The following HHIPL1 variants were observed in gnomAD, a reference collection of about 807,000 sequenced individuals.
HHIPL1 encodes HHIP like 1, also known as HHIP-like protein 1.
Under a neutral mutation model 61.8 loss-of-function variants are expected in HHIPL1, and 43 were observed. The observed-to-expected ratio is 0.70, with a 90% CI of 0.55 to 0.90. The LOEUF is 0.90. Ranked by LOEUF, HHIPL1 falls within the 40% of genes least tolerant of loss-of-function variation. The pLI, the probability that HHIPL1 is intolerant of heterozygous loss-of-function variation, is 0.00. For missense variants in HHIPL1, 1,056 were observed against 1,157.7 expected, an observed-to-expected ratio of 0.91 and a Z score of 1.28; for synonymous variants, 482 against 515.8, an observed-to-expected ratio of 0.93 and a Z score of 0.89.
In HHIPL1 at chr14:99,645,427, G is replaced by A. The variant is rs1168600778; in HGVS notation, c.220G>A (p.Ala74Thr). 1.5e-6 allele frequency: 2 copies of A among 1,365,628 alleles called. No homozygotes were observed. The highest frequency in any genetic ancestry group is 3.0e-5 in the African/African-American group (2 of 65,762). The allele number at this position is 1,365,628 out of a possible 1,614,324, so 84.6% of individuals were successfully genotyped here. The change falls in exon 1 of 9, where the codon GCG (alanine) becomes ACG (threonine). Residue 74 changes from alanine to threonine, a missense_variant. Coordinates refer to ENST00000330710, the MANE Select transcript of HHIPL1 (RefSeq NM_001127258.3). ...ASRVDAAEWAACAGYARDLLC... is the reference protein window; with the variant it reads ...ASRVDAAEWATCAGYARDLLC... ...CCGCGTGGACGCCGCCGAGTGGGCCGCGTGCGCCGGCTACGCGAGGGACCT... is the reference window on the plus strand; with the variant it reads ...CCGCGTGGACGCCGCCGAGTGGGCCACGTGCGCCGGCTACGCGAGGGACCT...
chr14:99,670,881 C>T (rs984847163), intron 7 of HHIPL1, among the ~76,000 whole-genome samples: 16 of 152,168 alleles, frequency 1.1e-4, no homozygotes, highest in African/African-American at 3.9e-4. Flanking sequence ...AAAGAATGCT[C>T]CTCTGAGGAA....
chr14:99,637,000 GAAGAAAGAAAGAAAGAAAGA>G, the HHIPL1 span, among the ~76,000 whole-genome samples: 4,813 of 76,958 alleles, frequency 0.063, 182 homozygotes, highest in East Asian at 0.095. Context: ...AAGAAAGAAA[GAAGAAAGAAAGAAAGAAAGA>G]AAGAAAGAAA....
At chr14:99,667,925 C>T (rs540173895) in intron 6 of HHIPL1, among the ~76,000 whole-genome samples, 4 of 152,202 alleles carry the variant, frequency 2.6e-5, no homozygotes, top group South Asian at 2.1e-4. Context: ...ACAGGGGTGG[C>T]GCTGGGTCAC....
upstream of HHIPL1, among the ~76,000 whole-genome samples, chr14:99,640,622 G>A (rs2055738113): frequency 6.6e-6 from 1 of 152,074 alleles, no homozygotes; most frequent in Non-Finnish European, 1.5e-5. Context: ...AACCATTTTA[G>A]ATTTGCAGAA....
At chr14:99,636,726 G>A in the HHIPL1 span, among the ~76,000 whole-genome samples, 1 of 152,054 alleles carries the variant, frequency 6.6e-6, no homozygotes, top group Non-Finnish European at 1.5e-5. Flanking sequence ...GGTGGTGCAT[G>A]CATGTAATGT....
At chr14:99,636,379 G>A in the HHIPL1 span, among the ~76,000 whole-genome samples, 4 of 152,212 alleles carry the variant, frequency 2.6e-5, no homozygotes, top group Admixed American at 2.0e-4. Context: ...CATGAGGCCC[G>A]CATGACGTGG....
the HHIPL1 span, among the ~76,000 whole-genome samples, chr14:99,617,125 G>C: frequency 1.3e-5 from 2 of 152,174 alleles, no homozygotes; most frequent in African/African-American, 4.8e-5. Flanking sequence ...ACTAGGTTTA[G>C]AGTAGATCAG....
intron 6 of HHIPL1, among the ~76,000 whole-genome samples, chr14:99,666,198 C>T (rs961926316): frequency 2.0e-5 from 3 of 152,146 alleles, no homozygotes; most frequent in African/African-American, 7.2e-5. Flanking sequence ...TACGATCTGC[C>T]ATGGGAAAGA....
At chr14:99,656,832 AAAGAAAGGAAGGAAGGAAGG>A (rs2056043722) in intron 2 of HHIPL1, among the ~76,000 whole-genome samples, 148 bp from the exon 3 acceptor site, 1 of 8,586 alleles carries the variant, frequency 1.2e-4, no homozygotes, top group African/African-American at 1.6e-4. Flanking sequence ...AGAAAGAAAG[AAAGAAAGGAAGGAAGGAAGG>A]AAGGAAGGAA....
At chr14:99,626,386 G>T in the HHIPL1 span, among the ~76,000 whole-genome samples, 136 of 152,282 alleles carry the variant, frequency 8.9e-4, 3 homozygotes, top group East Asian at 0.023. Flanking sequence ...GCTGGATCTT[G>T]TTCTGCTCTG....
the HHIPL1 span, among the ~76,000 whole-genome samples, chr14:99,618,416 C>T: frequency 2.6e-5 from 4 of 152,240 alleles, no homozygotes; most frequent in African/African-American, 7.2e-5. Flanking sequence ...AGGAGGGACT[C>T]GCCCAAGGAG....
At chr14:99,657,802 CACAT>C (rs1190270103) in intron 3 of HHIPL1, among the ~76,000 whole-genome samples, 4 of 151,962 alleles carry the variant, frequency 2.6e-5, no homozygotes, top group African/African-American at 7.3e-5. Flanking sequence ...CACATATACA[CACAT>C]ACATATGCAT....
intron 7 of HHIPL1, chr14:99,669,391 A>ATAC: frequency 1.1e-6 from 1 of 948,470 alleles, no homozygotes; most frequent in Non-Finnish European, 1.3e-6. Flanking sequence ...GCAAGGCCTG[A>ATAC]GGTTGCACTC....
chr14:99,643,919 G>C (rs2055786281), upstream of HHIPL1, among the ~76,000 whole-genome samples: 1 of 152,218 alleles, frequency 6.6e-6, no homozygotes, highest in Non-Finnish European at 1.5e-5. Flanking sequence ...TGCTCTTCCT[G>C]CATCAAGGAC....
At chr14:99,672,517 CCTGTGCCTAGCA>C (rs2056337010) in intron 8 of HHIPL1, 118 bp downstream of exon 8, 2 of 794,508 alleles carry the variant, frequency 2.5e-6, no homozygotes, top group Admixed American at 2.0e-5. Flanking sequence ...CTCTTCAGCC[CCTGTGCCTAGCA>C]CTGTGCCTGG....
chr14:99,608,520 C>A, the HHIPL1 span, among the ~76,000 whole-genome samples: 1 of 152,142 alleles, frequency 6.6e-6, no homozygotes, highest in Non-Finnish European at 1.5e-5. Context: ...CTTGTGGACA[C>A]CCAAGGACTC....
At chr14:99,669,449 G>C (rs2056301948) in intron 7 of HHIPL1, among the ~76,000 whole-genome samples, 1 of 152,106 alleles carries the variant, frequency 6.6e-6, no homozygotes, top group South Asian at 2.1e-4. Flanking sequence ...ACTGTGTTTA[G>C]TTACCCTAAA....
At chr14:99,669,204 G>A (rs1478703942) in intron 7 of HHIPL1, 7 of 1,230,264 alleles carry the variant, frequency 5.7e-6, no homozygotes, top group Middle Eastern at 3.2e-4. Context: ...TGCAGAGGCC[G>A]CCCAGGTGCT....
chr14:99,639,174 A>G, the HHIPL1 span, among the ~76,000 whole-genome samples: 2 of 152,354 alleles, frequency 1.3e-5, no homozygotes, highest in East Asian at 1.9e-4. Context: ...TCTGGCTTCT[A>G]TATCACTATG....
Sources: gnomAD v4.1 joint callset for allele counts (sites outside exome capture counted in the v4.1 genomes callset) on GRCh38, gnomAD v4.1.1 for gene constraint, MANE v1.5 for transcripts, NCBI Gene and HGNC (gene_info 2026-07-23, HGNC 2026-07-21) for gene names.